ABHD2: variants seen among roughly 807,000 people sequenced by gnomAD.
ABHD2 encodes monoacylglycerol lipase ABHD2.
In ABHD2, 20 loss-of-function variants were observed where a neutral mutation model predicts 48.1. The ratio of observed to expected loss-of-function variants is 0.42; its 90% CI spans 0.29 to 0.60. The LOEUF (loss-of-function observed/expected upper bound fraction) is 0.60, where lower values mean the gene tolerates loss of function less well. Among genes scored for constraint, ABHD2 ranks in the 20% least tolerant of loss-of-function variants. ABHD2 has a pLI of 0.24. For synonymous variants in ABHD2, 209 were observed against 214.2 expected (o/e 0.98, Z 0.21); for missense variants, 405 against 550.9 (o/e 0.74, Z 2.65).
Position 89,193,307 on chromosome 15 carries a change from A to C in ABHD2, c.1069A>C (p.Lys357Gln), listed in dbSNP as rs774235185. The C allele has an allele frequency of 1.2e-6, 2 of 1,614,132 alleles. No individual in the cohort carries two copies. Among genetic ancestry groups the C allele is most frequent in the South Asian group, 2.2e-5 (2 of 91,086 alleles). The part of the protein sequence containing the change: ...LVHESLLTIP[K>Q]SLSEKRENVM... ...GCATGAAAGTCTTCTAACCATTCCA[A>C]AATCTCTTTCAGGTAAGTGTTTCTT... Residue 357 changes from lysine to glutamine, a missense_variant, in exon 10 of 11, where the codon AAA (lysine) becomes CAA (glutamine). Physicochemically the swap from Lys to Gln is moderately conservative, Grantham distance 53. Coordinates refer to ENST00000352732, the MANE Select transcript of ABHD2 (RefSeq NM_152924.5).
chr15:89,110,215 A>C (rs2049851565), intron 1 of ABHD2, among the ~76,000 whole-genome samples: 1 of 152,028 alleles, frequency 6.6e-6, no homozygotes, highest in South Asian at 2.1e-4. Flanking sequence ...ACGTGCCACC[A>C]TACCTGGCTA....
rs990084485 is a variant in ABHD2 at position 89,182,646 on chromosome 15, A to G, written c.723-2778A>G. Reference sequence around the variant, plus strand: ...TTCTACTAAAAAAATACAAAAAATTATCTGGGCATGATGGCACACACCTGT... The same window carrying G: ...TTCTACTAAAAAAATACAAAAAATTGTCTGGGCATGATGGCACACACCTGT... On this transcript the variant is annotated intron_variant, in intron 6 of 10. Coordinates refer to ENST00000352732, the MANE Select transcript of ABHD2 (RefSeq NM_152924.5). This position sits in a 1 kb window ranked among gnomAD's most constrained non-coding sequence, Gnocchi z 4.8. Among the ~76,000 whole-genome samples, 7 of 152,060 alleles carry G rather than the reference A, an allele frequency of 4.6e-5. No homozygotes were observed. Among genetic ancestry groups the G allele is most frequent in the Non-Finnish European group, 1.0e-4 (7 of 68,008 alleles).
chr15:89,055,740 T>A, the ABHD2 span, among the ~76,000 whole-genome samples: 2 of 152,230 alleles, frequency 1.3e-5, no homozygotes, highest in Admixed American at 1.3e-4. Flanking sequence ...TATTCTATAC[T>A]ATGAAATATT....
In ABHD2 at chr15:89,167,529, T is replaced by G. The variant is rs1596138463; in HGVS notation, c.539-8283T>G. On this transcript the variant is annotated intron_variant, in intron 5 of 10. Transcript: ENST00000352732. This position sits in a 1 kb window ranked among gnomAD's most constrained non-coding sequence, Gnocchi z 5.5. ...AGAACAGTGGCCAAGAGTGGTGAGT[T>G]CTGCACTTTCAGGATGATATCTGAA... 6.6e-6 allele frequency among the ~76,000 whole-genome samples: 1 copy of G among 152,260 alleles called. No homozygotes were observed. Among genetic ancestry groups the G allele is most frequent in the South Asian group, 2.1e-4 (1 of 4,818 alleles).
the ABHD2 span, among the ~76,000 whole-genome samples, chr15:89,059,302 G>A: frequency 3.9e-5 from 6 of 152,270 alleles, no homozygotes; most frequent in East Asian, 1.9e-4. Context: ...CAAAATGTTC[G>A]CTGTGGCTAG....
At chr15:89,121,136 T>G (rs2050043870) in intron 3 of ABHD2, among the ~76,000 whole-genome samples, 3 of 152,228 alleles carry the variant, frequency 2.0e-5, no homozygotes. Flanking sequence ...GAATTGAAAT[T>G]TGAACTAGGA....
the ABHD2 span, among the ~76,000 whole-genome samples, chr15:89,061,085 T>C: frequency 6.7e-6 from 1 of 148,766 alleles, no homozygotes; most frequent in South Asian, 2.2e-4. Context: ...ACTCCAAAAA[T>C]GGGGAGGGAG....
rs1425086505 is a variant in ABHD2, at chr15:89,176,897, T to G, written c.722+902T>G. ...CTTATCGTTATTCAAAGAATCTTTT[T>G]GCCTCACCTGTATATCTCATGCTGC... On this transcript the variant is annotated intron_variant, in intron 6 of 10. Coordinates refer to ENST00000352732, the MANE Select transcript of ABHD2 (RefSeq NM_152924.5). This position sits in a 1 kb window ranked among gnomAD's most constrained non-coding sequence, Gnocchi z 4.5. Among the ~76,000 whole-genome samples, 1 of 152,246 alleles carries G rather than the reference T, an allele frequency of 6.6e-6. No individual in the cohort carries two copies. The highest frequency in any genetic ancestry group is 1.5e-5 in the Non-Finnish European group (1 of 68,038).
Position 89,146,138 on chromosome 15 carries a change from C to G in ABHD2, c.195-5539C>G, listed in dbSNP as rs2050487425. 1.3e-5 allele frequency among the ~76,000 whole-genome samples: 2 copies of G among 151,970 alleles called. No individual in the cohort carries two copies. The highest frequency in any genetic ancestry group is 2.9e-5 in the Non-Finnish European group (2 of 67,994). ...CCTGTGCTAATTTGGTAGAGAAGTACAAGGGAGAATCAAAGGAAATAACAG... is the reference window on the plus strand; with the variant it reads ...CCTGTGCTAATTTGGTAGAGAAGTAGAAGGGAGAATCAAAGGAAATAACAG... On this transcript the variant is annotated intron_variant, in intron 3 of 10. Coordinates refer to ENST00000352732, the MANE Select transcript of ABHD2 (RefSeq NM_152924.5). This position sits in a 1 kb window ranked among gnomAD's most constrained non-coding sequence, Gnocchi z 4.2.
the ABHD2 span, among the ~76,000 whole-genome samples, chr15:89,048,365 A>C: frequency 6.6e-6 from 1 of 151,830 alleles, no homozygotes; most frequent in Non-Finnish European, 1.5e-5. Flanking sequence ...TGAATCTGAC[A>C]ATTATGTGTC....
In ABHD2 at chr15:89,202,101, A is replaced by C; in HGVS notation, c.*6678A>C. 1 of 253,508 alleles carries C rather than the reference A, an allele frequency of 3.9e-6. No homozygotes were observed. Among genetic ancestry groups the C allele is most frequent in the Non-Finnish European group, 7.6e-6 (1 of 131,478 alleles). 15.7% of individuals were successfully genotyped at this position (253,508 alleles called of 1,614,324 possible). A position where few individuals can be genotyped will look rare whatever the true frequency, so the allele number is the denominator to read the frequency against. On this transcript the variant is annotated 3_prime_UTR_variant, in exon 11 of 11. Transcript: ENST00000352732. ...TCCGTGCTGCTGGATCTTTGGGGGG[A>C]AATACAGGATCCTTCAGCACTGAGG...
At chr15:89,157,569 C>T (rs563704176) in intron 5 of ABHD2, among the ~76,000 whole-genome samples, 5 of 152,254 alleles carry the variant, frequency 3.3e-5, no homozygotes, top group African/African-American at 7.2e-5. Context: ...TTTGGCCGAG[C>T]GCAGTAGCTC....
Position 89,146,117 on chromosome 15 carries a change from T to A in ABHD2, c.195-5560T>A, listed in dbSNP as rs570316439. On this transcript the variant is annotated intron_variant, in intron 3 of 10. Coordinates refer to ENST00000352732, the MANE Select transcript of ABHD2 (RefSeq NM_152924.5). This position sits in a 1 kb window ranked among gnomAD's most constrained non-coding sequence, Gnocchi z 4.2. Reference sequence around the variant, plus strand: ...AACATCTAGTGTGTGCCAAGTCCTGTGCTAATTTGGTAGAGAAGTACAAGG... The same window carrying A: ...AACATCTAGTGTGTGCCAAGTCCTGAGCTAATTTGGTAGAGAAGTACAAGG... Among the ~76,000 whole-genome samples the A allele has an allele frequency of 6.6e-6, 1 of 152,252 alleles. No individual in the cohort carries two copies. Among genetic ancestry groups the A allele is most frequent in the East Asian group, 1.9e-4 (1 of 5,186 alleles).
At chr15:89,087,321 A>G (rs910981322), upstream of ABHD2, 2 of 152,238 alleles carry the variant, frequency 1.3e-5, no homozygotes, top group African/African-American at 2.4e-5. This position sits in a 1 kb window ranked among gnomAD's most constrained non-coding sequence, Gnocchi z 5.5. Context: ...CTCTGACTAA[A>G]TCGCTCCTCT....
At chr15:89,183,395 A>G (rs1294365798) in intron 6 of ABHD2, 1 of 95,016 alleles carries the variant, frequency 1.1e-5, no homozygotes, top group Non-Finnish European at 1.9e-5. Context: ...ATATATATAT[A>G]TATATATATA....
intron 1 of ABHD2, among the ~76,000 whole-genome samples, chr15:89,090,920 C>T (rs1260296860): frequency 6.6e-6 from 1 of 152,148 alleles, no homozygotes. Context: ...CTTAGTCATT[C>T]GAATAGGGGG....
At chr15:89,053,136 T>G in the ABHD2 span, among the ~76,000 whole-genome samples, 1 of 151,882 alleles carries the variant, frequency 6.6e-6, no homozygotes, top group Non-Finnish European at 1.5e-5. Flanking sequence ...CTGGCCAATT[T>G]TTTGTATTTT....
intron 9 of ABHD2, among the ~76,000 whole-genome samples, chr15:89,191,642 T>G (rs894936508): frequency 6.6e-6 from 1 of 151,108 alleles, no homozygotes; most frequent in Non-Finnish European, 1.5e-5. Flanking sequence ...TTTTTTTTTT[T>G]TTTGAGATGG....
intron 3 of ABHD2, among the ~76,000 whole-genome samples, chr15:89,122,803 G>A (rs745981945): frequency 5.6e-4 from 86 of 152,320 alleles, no homozygotes; most frequent in Non-Finnish European, 3.5e-4. Context: ...TTTTTCACTC[G>A]TTAGCAAGCT....
Sources: allele counts gnomAD v4.1 joint callset (sites outside exome capture counted in the v4.1 genomes callset), GRCh38; gene constraint gnomAD v4.1.1; non-coding constraint Gnocchi (gnomAD v3.1); transcripts MANE v1.5; gene names NCBI Gene and HGNC (gene_info 2026-07-23, HGNC 2026-07-21).